The following CHEK2 variants were observed in gnomAD, a reference collection of about 807,000 sequenced individuals.
CHEK2 encodes serine/threonine-protein kinase Chk2.
Under a neutral mutation model 69.1 loss-of-function variants are expected in CHEK2, and 71 were observed. The ratio of observed to expected loss-of-function variants is 1.03; its 90% CI spans 0.85 to 1.25. CHEK2 has a LOEUF of 1.25. CHEK2 is among the 50% of genes most tolerant of loss of function. The pLI is 0.00. For synonymous variants in CHEK2, 189 were observed against 226.9 expected (o/e 0.83, Z 1.50); for missense variants, 664 against 649.6 (o/e 1.02, Z -0.24).
chr22:28,707,195 G>A (rs540517850), intron 7 of CHEK2, among the ~76,000 whole-genome samples: 101 of 152,288 alleles, frequency 6.6e-4, no homozygotes, highest in African/African-American at 2.4e-3. Context: ...GGAATCAGAA[G>A]CTACTAACCC....
At chr22:28,689,333 C>T (rs753299053) in intron 13 of CHEK2, 118 bp from the exon 14 acceptor site, 3 of 800,666 alleles carry the variant, frequency 3.7e-6, no homozygotes, top group South Asian at 1.3e-5. Flanking sequence ...AAGAATCATC[C>T]CCTTGATGAA....
At chr22:28,733,574 A>C (rs530280297) in intron 2 of CHEK2, among the ~76,000 whole-genome samples, 1 of 152,144 alleles carries the variant, frequency 6.6e-6, no homozygotes, top group Non-Finnish European at 1.5e-5. Context: ...CAACTAACTA[A>C]GGCAGGAAAA....
intron 10 of CHEK2, among the ~76,000 whole-genome samples, chr22:28,696,274 C>G (rs939943433): frequency 2.6e-5 from 4 of 152,184 alleles, no homozygotes; most frequent in African/African-American, 9.6e-5. Context: ...CCACTCTCAG[C>G]TTCTGAGGTA....
chr22:28,738,135 A>C (rs2054467000), intron 1 of CHEK2: 1 of 152,438 alleles, frequency 6.6e-6, no homozygotes, highest in South Asian at 2.1e-4. Context: ...TGAGTCCAGG[A>C]GGTTGAGGCT....
At chr22:28,722,539 C>CAAAAAAAAAAAAAAAAAAAGAAAAA (rs2053829505) in intron 4 of CHEK2, among the ~76,000 whole-genome samples, 1 of 67,928 alleles carries the variant, frequency 1.5e-5, no homozygotes, top group African/African-American at 5.6e-5. Flanking sequence ...GACTCCGTCT[C>CAAAAAAAAAAAAAAAAAAAGAAAAA]AAAAAAAAAA....
At chr22:28,736,632 T>A (rs1010826084) in intron 1 of CHEK2, among the ~76,000 whole-genome samples, 1 of 152,194 alleles carries the variant, frequency 6.6e-6, no homozygotes, top group Non-Finnish European at 1.5e-5. Flanking sequence ...AGAATTAACC[T>A]GATAGACAGT....
chr22:28,721,504 C>G (rs546317919), intron 4 of CHEK2: 2 of 370,702 alleles, frequency 5.4e-6, no homozygotes, highest in South Asian at 4.2e-5. Context: ...CCAGGCTGGT[C>G]TCGAACTCCT....
chr22:28,689,297 G>C (rs2052253498), intron 13 of CHEK2, 82 bp from the exon 14 acceptor site: 2 of 967,824 alleles, frequency 2.1e-6, no homozygotes, highest in Non-Finnish European at 3.3e-6. Context: ...TGCCCCTGTG[G>C]AAAGAGGGAG....
rs1222942448 is a variant in CHEK2, at chr22:28,721,288, T to G, written c.593-1803A>C. 2.8e-5 allele frequency among the ~76,000 whole-genome samples: 4 copies of G among 145,244 alleles called. No homozygotes were observed. The East Asian group carries it at 7.9e-4, about 29-fold the overall frequency. The stretch of plus-strand genomic sequence containing the variant: ...TGTTTGTTGTTTGTTTGGGTTTTTT[T>G]TTTTTTTTTTTTTTTGAGACGAAGT... On this transcript the variant is annotated intron_variant, in intron 4 of 14. Transcript: ENST00000404276.
At chr22:28,710,404 A>T (rs1467203901) in intron 6 of CHEK2, among the ~76,000 whole-genome samples, 1 of 152,244 alleles carries the variant, frequency 6.6e-6, no homozygotes, top group East Asian at 1.9e-4. Flanking sequence ...GTCAGAAACA[A>T]GTGTGTTTCC....
intron 1 of CHEK2, among the ~76,000 whole-genome samples, chr22:28,738,858 AG>A (rs1323602048): frequency 6.6e-6 from 1 of 152,204 alleles, no homozygotes; most frequent in East Asian, 1.9e-4. Flanking sequence ...AACAAAGTGA[AG>A]AGACAACCCA....
At chr22:28,734,348 T>A (rs2146142180) in intron 2 of CHEK2, 55 bp downstream of exon 2, 1 of 1,567,938 alleles carries the variant, frequency 6.4e-7, no homozygotes. Context: ...GTAATACAAC[T>A]TTCTGTAAGT....
intron 2 of CHEK2, chr22:28,727,898 A>G (rs2054066532): frequency 6.6e-6 from 1 of 152,246 alleles, no homozygotes; most frequent in African/African-American, 2.4e-5. Context: ...ACTCTCATAC[A>G]TTGCCATTGG....
intron 2 of CHEK2, among the ~76,000 whole-genome samples, chr22:28,727,610 A>G (rs1202004930): frequency 6.6e-6 from 1 of 152,206 alleles, no homozygotes; most frequent in Non-Finnish European, 1.5e-5. Context: ...AACTCCTATC[A>G]GGAAAAGGAA....
At chr22:28,693,724 C>T (rs2052451408) in intron 13 of CHEK2, among the ~76,000 whole-genome samples, 1 of 152,072 alleles carries the variant, frequency 6.6e-6, no homozygotes, top group South Asian at 2.1e-4. Context: ...CTGGGCATGG[C>T]AGCATGCACC....
At chr22:28,689,262 A>T (rs1352059721) in intron 13 of CHEK2, 47 bp from the exon 14 acceptor site, 2 of 1,251,432 alleles carry the variant, frequency 1.6e-6, no homozygotes, top group Non-Finnish European at 2.3e-6. Flanking sequence ...AAGGATAATA[A>T]ACTCCTAGAA....
chr22:28,734,820 GAAAAGA>G, intron 1 of CHEK2, 93 bp from the exon 2 acceptor site: 1 of 710,346 alleles, frequency 1.4e-6, no homozygotes, highest in Non-Finnish European at 2.1e-6. Flanking sequence ...AACAGCAAAA[GAAAAGA>G]AAAAAAAAAA....
intron 6 of CHEK2, 53 bp from the exon 7 acceptor site, chr22:28,710,112 A>T (rs1348958247): frequency 9.6e-6 from 12 of 1,251,984 alleles, no homozygotes; most frequent in African/African-American, 5.9e-5. Context: ...GCCAATATTT[A>T]AAAAAACATT....
chr22:28,722,539 CAAAAAAAAAA>C (rs755107963), intron 4 of CHEK2, among the ~76,000 whole-genome samples: 1 of 67,928 alleles, frequency 1.5e-5, no homozygotes, highest in South Asian at 5.1e-4. Context: ...GACTCCGTCT[CAAAAAAAAAA>C]AAAAAAAAAA....
Sources: gnomAD v4.1 joint callset for allele counts (sites outside exome capture counted in the v4.1 genomes callset) on GRCh38, gnomAD v4.1.1 for gene constraint, MANE v1.5 for transcripts, NCBI Gene and HGNC (gene_info 2026-07-23, HGNC 2026-07-21) for gene names.